DERL1: variants seen among roughly 807,000 people sequenced by gnomAD.
DERL1 encodes the protein derlin 1.
Under a neutral mutation model 41.6 loss-of-function variants are expected in DERL1, and 24 were observed. That is an observed-to-expected ratio of 0.58 (90% CI 0.42 to 0.81). The LOEUF is 0.81. Ranked by LOEUF, DERL1 falls within the 30% of genes least tolerant of loss-of-function variation. The probability of loss-of-function intolerance (pLI) is 0.00; values close to 1 mark genes in which losing one functional copy is unlikely to be tolerated. For missense variants in DERL1, 260 were observed against 314.3 expected (o/e 0.83, Z 1.31); for synonymous variants, 124 against 112.5 (o/e 1.10, Z -0.65).
At chr8:123,034,748 T>G (rs1812889320) in intron 1 of DERL1, among the ~76,000 whole-genome samples, 1 of 152,132 alleles carries the variant, frequency 6.6e-6, no homozygotes, top group Non-Finnish European at 1.5e-5. Context: ...AGACTCAGAG[T>G]AAACCTACTA....
intron 1 of DERL1, among the ~76,000 whole-genome samples, chr8:123,038,534 AACGATT>A (rs1812978806): frequency 6.6e-6 from 1 of 152,244 alleles, no homozygotes; most frequent in South Asian, 2.1e-4. Context: ...ATGTGACAAG[AACGATT>A]ACTCTTTTTA....
intron 1 of DERL1, among the ~76,000 whole-genome samples, chr8:123,038,026 C>T (rs79427788): frequency 0.027 from 4,151 of 152,210 alleles, 75 homozygotes; most frequent in Middle Eastern, 0.051. Context: ...AGGGAGAAAT[C>T]GTAGACAACA....
At chr8:123,038,969 C>T (rs1563636527) in intron 1 of DERL1, among the ~76,000 whole-genome samples, 1 of 152,218 alleles carries the variant, frequency 6.6e-6, no homozygotes, top group African/African-American at 2.4e-5. Context: ...CCAGCCCCCA[C>T]TCCCAACCCA....
intron 7 of DERL1, chr8:123,018,374 G>C (rs749812665): frequency 6.6e-6 from 1 of 152,150 alleles, no homozygotes; most frequent in South Asian, 2.1e-4. Flanking sequence ...CTCTCAGATC[G>C]TCAAAATCCT....
chr8:123,019,388 C>A (rs1349678776), intron 6 of DERL1, 83 bp from the exon 7 acceptor site: 1 of 966,246 alleles, frequency 1.0e-6, no homozygotes, highest in South Asian at 1.4e-5. Context: ...AGGAAGAGAG[C>A]CTTCAAGGCA....
intron 4 of DERL1, 94 bp from the exon 5 acceptor site, chr8:123,022,873 A>C: frequency 1.1e-6 from 1 of 902,394 alleles, no homozygotes; most frequent in Non-Finnish European, 1.8e-6. Flanking sequence ...CTTCACAACA[A>C]TCCTCACCTG....
At position 123,042,207 on chromosome 8, in the gene DERL1, TTAGGTGTC is replaced by T. The variant is rs1002202595; in HGVS notation, c.-93_-86del. On this transcript the variant is annotated 5_prime_UTR_variant, in exon 1 of 8. Coordinates refer to ENST00000259512, the MANE Select transcript of DERL1 (RefSeq NM_024295.6). ...CACGACGCGGCCGGCTCCGCGACTGTTAGGTGTCTAGGTGGAAGCCGCCGAAGCCGCGA... is the reference window on the plus strand; with the variant it reads ...CACGACGCGGCCGGCTCCGCGACTGTTAGGTGGAAGCCGCCGAAGCCGCGA... 8 of 1,473,408 alleles carry T rather than the reference TTAGGTGTC, an allele frequency of 5.4e-6. No homozygotes were observed. In the African/African-American group the frequency reaches 9.9e-5, roughly 18 times the overall value. The allele number at this position is 1,473,408 out of a possible 1,614,324, so 91.3% of individuals were successfully genotyped here.
chr8:123,033,758 T>C (rs558911624), intron 1 of DERL1, among the ~76,000 whole-genome samples: 35 of 152,122 alleles, frequency 2.3e-4, no homozygotes, highest in Non-Finnish European at 3.8e-4. Flanking sequence ...AAAAAGAAAA[T>C]TGAGCTTCTT....
At chr8:123,022,539 G>T in intron 5 of DERL1, 145 bp downstream of exon 5, 1 of 694,852 alleles carries the variant, frequency 1.4e-6, no homozygotes, top group Non-Finnish European at 2.5e-6. Flanking sequence ...ATAGAGCTGG[G>T]ATTGAGGAGG....
intron 6 of DERL1, among the ~76,000 whole-genome samples, chr8:123,020,826 C>A (rs1244157732): frequency 2.0e-5 from 3 of 146,558 alleles, no homozygotes; most frequent in African/African-American, 7.5e-5. Flanking sequence ...AATAGCCGGG[C>A]ATGGAGGCGG....
chr8:123,022,838 A>G, intron 4 of DERL1, 59 bp from the exon 5 acceptor site: 9 of 1,427,556 alleles, frequency 6.3e-6, no homozygotes, highest in Non-Finnish European at 6.9e-6. Context: ...AAAGGTGTAC[A>G]TCTACTATGC....
At chr8:123,032,793 G>T (rs1402239406) in intron 1 of DERL1, among the ~76,000 whole-genome samples, 2 of 151,130 alleles carry the variant, frequency 1.3e-5, no homozygotes, top group Non-Finnish European at 2.9e-5. Flanking sequence ...TTACATGTAG[G>T]TCTATTTTAA....
At position 123,029,890 on chromosome 8, in the gene DERL1, T is replaced by A. The variant is rs182288036; in HGVS notation, c.265+715A>T. ...GCCTGGCCAACAGGGTAAAACCCCATCTCTACTAAAAATATAAAAATTAGC... is the reference window on the plus strand; with the variant it reads ...GCCTGGCCAACAGGGTAAAACCCCAACTCTACTAAAAATATAAAAATTAGC... On this transcript the variant is annotated intron_variant, in intron 2 of 7. Coordinates refer to ENST00000259512, the MANE Select transcript of DERL1 (RefSeq NM_024295.6). Among the ~76,000 whole-genome samples the A allele has an allele frequency of 5.9e-3, 900 of 152,118 alleles. 7 individuals are homozygous for A. Among genetic ancestry groups the A allele is most frequent in the African/African-American group, 0.021 (858 of 41,484 alleles).
intron 1 of DERL1, among the ~76,000 whole-genome samples, chr8:123,032,449 A>T (rs1812837121): frequency 6.6e-6 from 1 of 152,122 alleles, no homozygotes; most frequent in Admixed American, 6.5e-5. Flanking sequence ...TTCCTCATAC[A>T]TTATGAAATT....
At position 123,030,627 on chromosome 8, in the gene DERL1, C is replaced by T; in HGVS notation, c.243G>A (p.Gln81=). 6.2e-7 allele frequency: 1 copy of T among 1,606,328 alleles called. No homozygotes were observed. The highest frequency in any genetic ancestry group is 8.5e-7 in the Non-Finnish European group (1 of 1,176,146). ...TACCTGTTTCAAGTCGCGTAGAATA[C>T]TGATATAAGAAATATAAATTGACCA... is the stretch of plus-strand genomic sequence containing the variant. ...LYLVNLYFLY[Q]YSTRLETGAF... is the part of the protein sequence containing the mutation. Residue 81 remains glutamine, a synonymous_variant, in exon 2 of 8, where the codon CAG becomes CAA. Coordinates refer to ENST00000259512, the MANE Select transcript of DERL1 (RefSeq NM_024295.6).
rs555923859 is a variant in DERL1 at position 123,032,617 on chromosome 8, T to C, written c.154-1901A>G. 2.1e-3 allele frequency among the ~76,000 whole-genome samples: 323 copies of C among 152,330 alleles called. 2 individuals are homozygous for C. Among genetic ancestry groups the C allele is most frequent in the Non-Finnish European group, 3.8e-3 (256 of 68,032 alleles). ...TTCGCTCCAAGAATGTAAGTGTTCATGGTTTTATTTTAGCACTTTCAAGGT... is the reference window on the plus strand; with the variant it reads ...TTCGCTCCAAGAATGTAAGTGTTCACGGTTTTATTTTAGCACTTTCAAGGT... On this transcript the variant is annotated intron_variant, in intron 1 of 7. Coordinates refer to ENST00000259512, the MANE Select transcript of DERL1 (RefSeq NM_024295.6).
Position 123,015,287 on chromosome 8 carries a change from T to C in DERL1, c.*160A>G. On this transcript the variant is annotated 3_prime_UTR_variant, in exon 8 of 8. Transcript: ENST00000259512. ...GAGAATCGTGAAACTTGTGGAACAC[T>C]TATATTTTTCTTCGGGATTTAAGAA... 1 of 992,166 alleles carries C rather than the reference T, an allele frequency of 1.0e-6. No homozygotes were observed. The highest frequency in any genetic ancestry group is 1.4e-6 in the Non-Finnish European group (1 of 701,772). 61.5% of individuals were successfully genotyped at this position (992,166 alleles called of 1,614,324 possible). A position where few individuals can be genotyped will look rare whatever the true frequency, so the allele number is the denominator to read the frequency against.
chr8:123,025,931 C>T (rs990417956), intron 2 of DERL1, among the ~76,000 whole-genome samples: 3 of 151,732 alleles, frequency 2.0e-5, no homozygotes, highest in African/African-American at 7.3e-5. Context: ...AACGGCCTCC[C>T]GTGTAAGCAT....
At chr8:123,019,822 C>T (rs62522693) in intron 6 of DERL1, among the ~76,000 whole-genome samples, 2 of 152,128 alleles carry the variant, frequency 1.3e-5, no homozygotes, top group Admixed American at 6.5e-5. Context: ...TTAGGAAAGC[C>T]GACTTGCACC....
Sources: gnomAD v4.1 joint callset for allele counts (sites outside exome capture counted in the v4.1 genomes callset) on GRCh38, gnomAD v4.1.1 for gene constraint, MANE v1.5 for transcripts, NCBI Gene and HGNC (gene_info 2026-07-23, HGNC 2026-07-21) for gene names.